The following NKAIN2 variants were observed in gnomAD, a reference collection of about 807,000 sequenced individuals.
NKAIN2 encodes sodium/potassium transporting ATPase interacting 2.
In NKAIN2, 14 loss-of-function variants were observed where a neutral mutation model predicts 32.6. The ratio of observed to expected loss-of-function variants is 0.43; its 90% CI spans 0.28 to 0.67. The LOEUF is 0.67. Among genes scored for constraint, NKAIN2 ranks in the 30% least tolerant of loss-of-function variants. NKAIN2 has a pLI of 0.17. For synonymous variants in NKAIN2, 80 were observed against 87.2 expected (o/e 0.92, Z 0.46); for missense variants, 198 against 258.3 (o/e 0.77, Z 1.60).
At chr6:124,078,828 T>TGTG in intron 1 of NKAIN2, among the ~76,000 whole-genome samples, 1 of 136,988 alleles carries the variant, frequency 7.3e-6, no homozygotes, top group South Asian at 2.3e-4. Flanking sequence ...GTGTGTGTGT[T>TGTG]GCAATTATAT....
intron 1 of NKAIN2, among the ~76,000 whole-genome samples, chr6:124,146,598 C>T (rs1436166210): frequency 6.6e-6 from 1 of 152,238 alleles, no homozygotes; most frequent in Non-Finnish European, 1.5e-5. Context: ...GAACATTGCT[C>T]ATGATAGCAA....
At chr6:124,459,346 G>T (rs1776442218) in intron 3 of NKAIN2, among the ~76,000 whole-genome samples, 1 of 151,742 alleles carries the variant, frequency 6.6e-6, no homozygotes, top group African/African-American at 2.4e-5. Context: ...ATTGTAACAT[G>T]AATTACCTTA....
rs980089643 is a variant in NKAIN2, at chr6:124,279,334, C to T, written c.55-3671C>T. ...CATCCTGGCTAACACGGTGAAACCC[C>T]GTCTCTACTAAAAAGACAAAAAATT... is the stretch of plus-strand genomic sequence containing the variant. On this transcript the variant is annotated intron_variant, in intron 1 of 6. Transcript: ENST00000368417. Among the ~76,000 whole-genome samples the T allele has an allele frequency of 1.8e-4, 28 of 151,886 alleles. 1 individual carries two copies. The highest frequency in any genetic ancestry group is 2.1e-4 in the South Asian group (1 of 4,812).
intron 3 of NKAIN2, among the ~76,000 whole-genome samples, chr6:124,495,785 A>T (rs569984394): frequency 6.6e-6 from 1 of 152,270 alleles, no homozygotes; most frequent in South Asian, 2.1e-4. Flanking sequence ...GCATTCCAGG[A>T]TCCATCTCTG....
chr6:124,678,168 A>T (rs1167951480), intron 4 of NKAIN2, among the ~76,000 whole-genome samples: 1 of 152,124 alleles, frequency 6.6e-6, no homozygotes, highest in Non-Finnish European at 1.5e-5. Flanking sequence ...TAACAATTTA[A>T]TTATCATGTG....
chr6:123,944,308 A>T (rs749452669), intron 1 of NKAIN2, among the ~76,000 whole-genome samples: 1 of 152,084 alleles, frequency 6.6e-6, no homozygotes, highest in Non-Finnish European at 1.5e-5. Context: ...GGCTTAGACT[A>T]TGAAGATTAT....
Position 124,394,456 on chromosome 6 carries a change from GAGATAGATAGATAGAT to G in NKAIN2, c.273+39146_273+39161del, listed in dbSNP as rs59551274. ...TTTTCCAGAAAAACAGAATCAATAT[GAGATAGATAGATAGAT>G]AGATAGATAGATAGATAGATAGATA... On this transcript the variant is annotated intron_variant, in intron 3 of 6. Coordinates refer to ENST00000368417, the MANE Select transcript of NKAIN2 (RefSeq NM_001040214.3). 1.6e-3 allele frequency among the ~76,000 whole-genome samples: 234 copies of G among 143,686 alleles called. 1 individual carries two copies. The highest frequency in any genetic ancestry group is 5.4e-3 in the African/African-American group (209 of 38,546). The allele number at this position is 143,686 out of a possible 152,430, so 94.3% of individuals were successfully genotyped here. A position where few individuals can be genotyped will look rare whatever the true frequency, so the allele number is the denominator to read the frequency against.
intron 1 of NKAIN2, among the ~76,000 whole-genome samples, chr6:123,932,551 G>A (rs546434253): frequency 2.2e-4 from 33 of 151,622 alleles, no homozygotes; most frequent in South Asian, 8.4e-4. Flanking sequence ...TGAGTAGCTG[G>A]GACTACAGGT....
intron 3 of NKAIN2, among the ~76,000 whole-genome samples, chr6:124,539,964 G>T (rs1006578741): frequency 6.6e-6 from 1 of 152,176 alleles, no homozygotes; most frequent in South Asian, 2.1e-4. Flanking sequence ...CAGGCAATCT[G>T]CCCACCTCGG....
At chr6:124,415,878 C>CTTTTTTTTTTTTTTTTTTTTTTTTTTTTT in intron 3 of NKAIN2, among the ~76,000 whole-genome samples, 2 of 72,590 alleles carry the variant, frequency 2.8e-5, no homozygotes, top group Non-Finnish European at 2.6e-5. Flanking sequence ...TTTTTATTTG[C>CTTTTTTTTTTTTTTTTTTTTTTTTTTTTT]TTTTTTTTTT....
chr6:124,323,664 C>T lies in NKAIN2; in HGVS notation c.193-31603C>T, dbSNP rs150586958. Reference sequence around the variant, plus strand: ...TTTTTCTATATGTCAGTCTCTCTGCCGAAACCACACTATCTTGATTACAAT... The same window carrying T: ...TTTTTCTATATGTCAGTCTCTCTGCTGAAACCACACTATCTTGATTACAAT... On this transcript the variant is annotated intron_variant, in intron 2 of 6. Transcript: ENST00000368417. 7.2e-3 allele frequency among the ~76,000 whole-genome samples: 1,088 copies of T among 151,982 alleles called. 8 individuals carry two copies. Among genetic ancestry groups the T allele is most frequent in the African/African-American group, 0.024 (998 of 41,458 alleles).
chr6:124,687,268 C>CTATA (rs761727639), intron 4 of NKAIN2, among the ~76,000 whole-genome samples: 2 of 136,268 alleles, frequency 1.5e-5, no homozygotes, highest in Non-Finnish European at 3.1e-5. Context: ...TATATTCTCT[C>CTATA]TATATATAGA....
chr6:124,331,528 CAAAAA>C (rs764118499), intron 2 of NKAIN2, among the ~76,000 whole-genome samples: 2 of 66,942 alleles, frequency 3.0e-5, no homozygotes, highest in Non-Finnish European at 3.1e-5. Context: ...GACTCCGTCT[CAAAAA>C]AAAAAAAAAA....
chr6:124,474,862 T>TTATATACATA (rs59782455), intron 3 of NKAIN2, among the ~76,000 whole-genome samples: 1 of 139,452 alleles, frequency 7.2e-6, no homozygotes, highest in Non-Finnish European at 1.6e-5. Flanking sequence ...CATATATATT[T>TTATATACATA]TATATACATA....
intron 4 of NKAIN2, among the ~76,000 whole-genome samples, chr6:124,729,073 A>G (rs1208928970): frequency 6.6e-6 from 1 of 152,130 alleles, no homozygotes; most frequent in East Asian, 1.9e-4. Context: ...TCAATAGCTT[A>G]CCAACCAAAA....
chr6:124,674,928 G>C (rs571110205), intron 4 of NKAIN2, among the ~76,000 whole-genome samples: 1 of 152,102 alleles, frequency 6.6e-6, no homozygotes, highest in Admixed American at 6.5e-5. Flanking sequence ...TCCTTGCCTT[G>C]TTCCTGATCT....
At chr6:124,583,464 A>T (rs1781596780) in intron 3 of NKAIN2, among the ~76,000 whole-genome samples, 1 of 152,162 alleles carries the variant, frequency 6.6e-6, no homozygotes, top group South Asian at 2.1e-4. Flanking sequence ...GCCAAAATAA[A>T]TTGAAAAGAA....
At chr6:124,653,825 T>C (rs982352834) in intron 3 of NKAIN2, among the ~76,000 whole-genome samples, 2 of 152,128 alleles carry the variant, frequency 1.3e-5, no homozygotes, top group African/African-American at 4.8e-5. Context: ...TTTTTGAGTC[T>C]GAAATAGGCA....
At chr6:124,741,765 A>T (rs577725611) in intron 4 of NKAIN2, among the ~76,000 whole-genome samples, 31 of 151,950 alleles carry the variant, frequency 2.0e-4, no homozygotes, top group Middle Eastern at 3.4e-3. Context: ...TACTCCATTT[A>T]TGTGTCTTTT....
Sources: allele counts gnomAD v4.1 joint callset (sites outside exome capture counted in the v4.1 genomes callset), GRCh38; gene constraint gnomAD v4.1.1; transcripts MANE v1.5; gene names NCBI Gene and HGNC (gene_info 2026-07-23, HGNC 2026-07-21).